The following ASIC2 variants were observed in gnomAD, a reference collection of about 807,000 sequenced individuals.
ASIC2 encodes acid sensing ion channel subunit 2, also known as acid-sensing ion channel 2.
ASIC2 carries 25 observed loss-of-function variants against 57.3 expected under a neutral mutation model. That is an observed-to-expected ratio of 0.44 (90% CI 0.32 to 0.61). The LOEUF is 0.61. Among genes scored for constraint, ASIC2 ranks in the 20% least tolerant of loss-of-function variants. ASIC2 has a pLI of 0.06. For missense variants in ASIC2, 641 were observed against 738.1 expected, an observed-to-expected ratio of 0.87 and a Z score of 1.52; for synonymous variants, 319 against 307.5, an observed-to-expected ratio of 1.04 and a Z score of -0.39.
chr17:33,975,292 T>A (rs1179250404), intron 1 of ASIC2, among the ~76,000 whole-genome samples: 1 of 152,064 alleles, frequency 6.6e-6, no homozygotes, highest in East Asian at 1.9e-4. Flanking sequence ...AGAGCCCAAA[T>A]AAAGGGTTGG....
chr17:34,044,749 C>T (rs1055449664), intron 1 of ASIC2, among the ~76,000 whole-genome samples: 2 of 152,114 alleles, frequency 1.3e-5, no homozygotes, highest in African/African-American at 2.4e-5. Flanking sequence ...AGTCCAGGAG[C>T]CCTGGTTGGA....
rs146601377 is a variant in ASIC2, at chr17:33,813,291, G to A, written c.555+342687C>T. On this transcript the variant is annotated intron_variant, in intron 1 of 9. Coordinates refer to the ASIC2 transcript ENST00000359872. Reference sequence around the variant, plus strand: ...ACAAGTCTGCCTAAGCCACTCAGCCGCAAACTCAGTCTTAGAAAAGGACAG... The same window carrying A: ...ACAAGTCTGCCTAAGCCACTCAGCCACAAACTCAGTCTTAGAAAAGGACAG... 3.4e-3 allele frequency among the ~76,000 whole-genome samples: 523 copies of A among 152,164 alleles called. 4 individuals are homozygous for A. Among genetic ancestry groups the A allele is most frequent in the African/African-American group, 0.012 (496 of 41,508 alleles).
At chr17:33,113,213 T>C (rs1055086167) in intron 1 of ASIC2, among the ~76,000 whole-genome samples, 4 of 152,170 alleles carry the variant, frequency 2.6e-5, no homozygotes, top group Non-Finnish European at 5.9e-5. Context: ...TGACTTTAAG[T>C]GAACCAAATA....
intron 1 of ASIC2, among the ~76,000 whole-genome samples, chr17:34,085,763 T>C (rs1226959755): frequency 6.6e-6 from 1 of 152,172 alleles, no homozygotes; most frequent in African/African-American, 2.4e-5. Context: ...TGGTTTAGTC[T>C]TGGGAGAGTG....
At position 33,389,772 on chromosome 17, in the gene ASIC2, C is replaced by G. The variant is rs1486881528; in HGVS notation, c.556-277705G>C. ...TAGGCAAGCATGCATTCCTGAAAAT[C>G]CTGAGATACTTGGGAAACTATTTAT... On this transcript the variant is annotated intron_variant, in intron 1 of 9. Coordinates refer to the ASIC2 transcript ENST00000359872. Among the ~76,000 whole-genome samples the G allele has an allele frequency of 4.9e-4, 74 of 152,166 alleles. 2 individuals carry two copies. Among genetic ancestry groups the G allele is most frequent in the Admixed American group, 4.8e-3 (73 of 15,286 alleles).
At chr17:33,737,842 G>A (rs577706297) in intron 1 of ASIC2, among the ~76,000 whole-genome samples, 1 of 152,264 alleles carries the variant, frequency 6.6e-6, no homozygotes, top group South Asian at 2.1e-4. Context: ...TAACTTGTGA[G>A]TAGGAATTTG....
At chr17:33,954,966 T>C (rs1225399137) in intron 1 of ASIC2, 1 of 152,214 alleles carries the variant, frequency 6.6e-6, no homozygotes, top group Non-Finnish European at 1.5e-5. Context: ...ACTAATTCAT[T>C]GTGCTGCATT....
chr17:33,428,435 A>G (rs1198229467), intron 1 of ASIC2, among the ~76,000 whole-genome samples: 16 of 151,944 alleles, frequency 1.1e-4, no homozygotes, highest in African/African-American at 3.6e-4. Flanking sequence ...TATTGCCTCA[A>G]TTTCCAGGGC....
intron 1 of ASIC2, among the ~76,000 whole-genome samples, chr17:33,685,559 G>A (rs1424789030): frequency 6.6e-6 from 1 of 152,148 alleles, no homozygotes; most frequent in Non-Finnish European, 1.5e-5. Context: ...TGAAATCCCA[G>A]ACTCCAAAGT....
In ASIC2 at chr17:34,087,093, T is replaced by G. The variant is rs968046106; in HGVS notation, c.555+68885A>C. 3.3e-5 allele frequency among the ~76,000 whole-genome samples: 5 copies of G among 152,188 alleles called. No individual in the cohort carries two copies. In the East Asian group the frequency reaches 7.7e-4, roughly 23 times the overall value. ...TTGATCCTGTCATTATGATGTTAGC[T>G]GGTTATTTTGCTTGTTAGTTGATGC... On this transcript the variant is annotated intron_variant, in intron 1 of 9. Coordinates refer to the ASIC2 transcript ENST00000359872.
At chr17:33,772,794 A>C (rs1005929692) in intron 1 of ASIC2, among the ~76,000 whole-genome samples, 1 of 152,216 alleles carries the variant, frequency 6.6e-6, no homozygotes, top group Non-Finnish European at 1.5e-5. Flanking sequence ...GCTTCCTATC[A>C]GTGAGGCGGA....
intron 1 of ASIC2, among the ~76,000 whole-genome samples, chr17:34,081,706 T>G (rs1241529308): frequency 1.3e-5 from 2 of 152,126 alleles, no homozygotes; most frequent in African/African-American, 4.8e-5. Context: ...CCACCTAAAT[T>G]TTACCCTCTC....
intron 1 of ASIC2, among the ~76,000 whole-genome samples, chr17:33,867,420 GGCTCAAAGAGA>G (rs1399441417): frequency 2.0e-5 from 3 of 152,152 alleles, no homozygotes; most frequent in African/African-American, 7.2e-5. Context: ...AAGAATGTAA[GGCTCAAAGAGA>G]ATAAAATGAA....
chr17:33,899,230 C>CCCCT (rs1366437980), intron 1 of ASIC2, among the ~76,000 whole-genome samples: 1 of 152,078 alleles, frequency 6.6e-6, no homozygotes, highest in Non-Finnish European at 1.5e-5. Context: ...CCTCTCCACA[C>CCCCT]CCTAGCTTAG....
In ASIC2 at chr17:33,045,367, G is replaced by A. The variant is rs184706911; in HGVS notation, c.988-16975C>T. 3.3e-5 allele frequency among the ~76,000 whole-genome samples: 5 copies of A among 152,284 alleles called. No individual in the cohort carries two copies. The East Asian group carries it at 9.6e-4, about 29-fold the overall frequency. On this transcript the variant is annotated intron_variant, in intron 3 of 9. Coordinates refer to ENST00000225823, the MANE Select transcript of ASIC2 (RefSeq NM_183377.2). ...ATCTTCATCGGGACACAATTTCTTG[G>A]GCGAGTGCTGTCAGCGGCGCCGGAA...
At chr17:33,138,712 G>A in intron 1 of ASIC2, among the ~76,000 whole-genome samples, 1 of 151,982 alleles carries the variant, frequency 6.6e-6, no homozygotes, top group East Asian at 1.9e-4. Flanking sequence ...ACCTCAGGTA[G>A]TAATAATATT....
intron 1 of ASIC2, among the ~76,000 whole-genome samples, chr17:34,016,911 G>T (rs1315012048): frequency 6.6e-6 from 1 of 152,136 alleles, no homozygotes; most frequent in Non-Finnish European, 1.5e-5. Context: ...TAACATTTTA[G>T]TTTATCAGAA....
chr17:33,759,307 C>T (rs1435411133), intron 1 of ASIC2, among the ~76,000 whole-genome samples: 3 of 152,142 alleles, frequency 2.0e-5, no homozygotes, highest in East Asian at 1.9e-4. Context: ...GCATATCTGG[C>T]GGAAAAAATT....
chr17:33,506,132 C>A (rs1041719318), intron 1 of ASIC2, among the ~76,000 whole-genome samples: 2 of 151,500 alleles, frequency 1.3e-5, no homozygotes, highest in African/African-American at 2.4e-5. Context: ...TGGTGGCTCA[C>A]GCCTGTAATC....
Sources: gnomAD v4.1 joint callset for allele counts (sites outside exome capture counted in the v4.1 genomes callset) on GRCh38, gnomAD v4.1.1 for gene constraint, MANE v1.5 for transcripts, NCBI Gene and HGNC (gene_info 2026-07-23, HGNC 2026-07-21) for gene names.